Variants in PPP1R12B observed in about 807,000 individuals in gnomAD.
The protein encoded by PPP1R12B is protein phosphatase 1 regulatory subunit 12B, also known as myosin phosphatase target subunit 2.
A neutral mutation model predicts 126.1 loss-of-function variants in PPP1R12B; 76 were observed. The observed-to-expected ratio is 0.60, with a 90% CI of 0.50 to 0.73. PPP1R12B has a LOEUF of 0.73. Ranked by LOEUF, PPP1R12B falls within the 30% of genes least tolerant of loss-of-function variation. The pLI is 0.00. For missense variants in PPP1R12B, 1,052 were observed against 1,205.1 expected, an observed-to-expected ratio of 0.87 and a Z score of 1.88; for synonymous variants, 356 against 434.7, an observed-to-expected ratio of 0.82 and a Z score of 2.25.
rs757358273 is a variant in PPP1R12B at position 202,349,169 on chromosome 1, G to A, written c.291+27G>A. 9.8e-5 allele frequency: 158 copies of A among 1,611,592 alleles called. 1 individual carries two copies. In the South Asian group the frequency reaches 1.6e-3, roughly 17 times the overall value. On this transcript the variant is annotated intron_variant, in intron 1 of 23. Transcript: ENST00000608999. ...TAACTCCTTTCTTGGTCTTAGAGGCGTCCAGTCTCCTACAGATGAGCCTTT... is the reference window on the plus strand; with the variant it reads ...TAACTCCTTTCTTGGTCTTAGAGGCATCCAGTCTCCTACAGATGAGCCTTT...
chr1:202,537,531 T>C lies in PPP1R12B; in HGVS notation c.2491-21346T>C, dbSNP rs1383220491. Among the ~76,000 whole-genome samples the C allele has an allele frequency of 2.0e-5, 3 of 152,194 alleles. No homozygotes were observed. In the East Asian group the frequency reaches 5.8e-4, roughly 29 times the overall value. Reference sequence around the variant, plus strand: ...TGAGAGGATCAGGTGAGATAATATATGTTAAAACACTTTATAAAATATAAA... The same window carrying C: ...TGAGAGGATCAGGTGAGATAATATACGTTAAAACACTTTATAAAATATAAA... On this transcript the variant is annotated intron_variant, in intron 18 of 23. Transcript: ENST00000608999.
intron 1 of PPP1R12B, among the ~76,000 whole-genome samples, chr1:202,353,482 A>G (rs952771872): frequency 2.0e-5 from 3 of 151,338 alleles, no homozygotes; most frequent in South Asian, 4.2e-4. Context: ...CCTCAAAGCC[A>G]TATTGGGAAA....
rs751815841 is a variant in PPP1R12B, at chr1:202,416,769, A to G, written c.292-18A>G. On this transcript the variant is annotated intron_variant, in intron 1 of 23. Transcript: ENST00000608999. ...CAATGAATACTTGTTGAATGAATGA[A>G]TGGACTTTTCTTTTCAGGCATGTAT... is the stretch of plus-strand genomic sequence containing the variant. 1.2e-6 allele frequency: 2 copies of G among 1,611,388 alleles called. No individual in the cohort carries two copies. Among genetic ancestry groups the G allele is most frequent in the Non-Finnish European group, 1.7e-6 (2 of 1,178,108 alleles).
At chr1:202,481,734 T>C (rs1179821319) in intron 13 of PPP1R12B, among the ~76,000 whole-genome samples, 1 of 152,220 alleles carries the variant, frequency 6.6e-6, no homozygotes, top group African/African-American at 2.4e-5. Flanking sequence ...GTAAGAACAT[T>C]CAAAAGCATC....
chr1:202,395,684 C>G (rs1664876422), intron 1 of PPP1R12B, among the ~76,000 whole-genome samples: 1 of 152,194 alleles, frequency 6.6e-6, no homozygotes, highest in South Asian at 2.1e-4. Flanking sequence ...ATTGGGACTT[C>G]CAATTCTTTT....
intron 18 of PPP1R12B, among the ~76,000 whole-genome samples, chr1:202,499,599 T>G (rs974299068): frequency 1.3e-5 from 2 of 152,230 alleles, no homozygotes; most frequent in African/African-American, 4.8e-5. Context: ...TCAACGGTTA[T>G]TATCTTTATC....
chr1:202,380,260 C>T (rs751276722), intron 1 of PPP1R12B, among the ~76,000 whole-genome samples: 11 of 152,110 alleles, frequency 7.2e-5, no homozygotes, highest in Non-Finnish European at 1.5e-4. Flanking sequence ...TTCTTGTTCT[C>T]ATGATACGTT....
chr1:202,563,626 T>TAAAAAA (rs56149958), intron 20 of PPP1R12B, among the ~76,000 whole-genome samples: 12 of 120,326 alleles, frequency 1.0e-4, no homozygotes, highest in Admixed American at 1.8e-4. Flanking sequence ...TTGGTGTTAG[T>TAAAAAA]AAAAAAAAAA....
chr1:202,386,178 C>T (rs970091288), intron 1 of PPP1R12B, among the ~76,000 whole-genome samples: 1 of 151,966 alleles, frequency 6.6e-6, no homozygotes, highest in Non-Finnish European at 1.5e-5. Context: ...CATGATCCAC[C>T]CGACCTCCCA....
intron 1 of PPP1R12B, among the ~76,000 whole-genome samples, chr1:202,400,701 C>T (rs1665688365): frequency 6.6e-6 from 1 of 152,156 alleles, no homozygotes; most frequent in Non-Finnish European, 1.5e-5. Context: ...AGACACTGTT[C>T]CAACTGCTGT....
chr1:202,549,655 T>A (rs1686105491), intron 18 of PPP1R12B, among the ~76,000 whole-genome samples: 1 of 152,080 alleles, frequency 6.6e-6, no homozygotes, highest in Admixed American at 6.6e-5. Flanking sequence ...CCTGACTTCA[T>A]GATCCACCCG....
Position 202,442,558 on chromosome 1 carries a change from A to G in PPP1R12B, c.1653A>G (p.Ser551=). The change falls in exon 12 of 24, where the codon TCA becomes TCG. Residue 551 remains serine, a synonymous_variant. Transcript: ENST00000608999. ...CAATTGCTCCCTCCACCTATGTATC[A>G]ACTTACTTGAAAAGGTACCAGGCTC... The part of the protein sequence containing the change: ...PQTIAPSTYV[S]TYLKRTPHKS... 1 of 1,611,998 alleles carries G rather than the reference A, an allele frequency of 6.2e-7. No homozygotes were observed. The highest frequency in any genetic ancestry group is 8.5e-7 in the Non-Finnish European group (1 of 1,179,238).
chr1:202,358,349 G>A (rs1035583033), intron 1 of PPP1R12B, among the ~76,000 whole-genome samples: 1 of 152,152 alleles, frequency 6.6e-6, no homozygotes, highest in East Asian at 1.9e-4. Context: ...TATCAGGCAT[G>A]CAGAGTTTAT....
chr1:202,511,062 AATATATATT>A (rs965037965), intron 18 of PPP1R12B, among the ~76,000 whole-genome samples: 1 of 147,132 alleles, frequency 6.8e-6, no homozygotes, highest in Non-Finnish European at 1.5e-5. Flanking sequence ...AATAATATAT[AATATATATT>A]ATATATATTA....
At chr1:202,531,360 A>G (rs1196103717) in intron 18 of PPP1R12B, among the ~76,000 whole-genome samples, 2 of 152,198 alleles carry the variant, frequency 1.3e-5, no homozygotes, top group Non-Finnish European at 2.9e-5. Flanking sequence ...ATATAAAAAT[A>G]TATGGAAGAG....
rs1553332115 is a variant in PPP1R12B at position 202,588,841 on chromosome 1, A to AGATAGATAGAT, written c.*8282_*8292dup. The AGATAGATAGAT allele has an allele frequency of 0.013, 1,863 of 143,724 alleles. 25 individuals are homozygous for AGATAGATAGAT. Among genetic ancestry groups the AGATAGATAGAT allele is most frequent in the Non-Finnish European group, 0.018 (1,204 of 67,248 alleles). The allele number at this position is 143,724 out of a possible 1,614,324, so 8.9% of individuals were successfully genotyped here. Reference sequence around the variant, plus strand: ...AGAACCGTAAGATAGATAGATAGATAGATAGATAGATAGATAGATAGATAG... The same window carrying AGATAGATAGAT: ...AGAACCGTAAGATAGATAGATAGATAGATAGATAGATGATAGATAGATAGATAGATAGATAG... On this transcript the variant is annotated 3_prime_UTR_variant, in exon 24 of 24. Coordinates refer to ENST00000608999, the MANE Select transcript of PPP1R12B (RefSeq NM_002481.4).
At position 202,393,392 on chromosome 1, in the gene PPP1R12B, GT is replaced by G. The variant is rs111455883; in HGVS notation, c.292-23384del. On this transcript the variant is annotated intron_variant, in intron 1 of 23. Transcript: ENST00000608999. ...TTAGCAAAACGCAAATCGAAACAGT[GT>G]TTTTTTTTTTCAGTTCTTTAACAGA... is the stretch of plus-strand genomic sequence containing the variant. Among the ~76,000 whole-genome samples, 405 of 140,160 alleles carry G rather than the reference GT, an allele frequency of 2.9e-3. 1 individual carries two copies. The highest frequency in any genetic ancestry group is 8.6e-3 in the African/African-American group (327 of 38,144). 92.0% of individuals were successfully genotyped at this position (140,160 alleles called of 152,430 possible). A position where few individuals can be genotyped will look rare whatever the true frequency, so the allele number is the denominator to read the frequency against.
rs188868656 is a variant in PPP1R12B, at chr1:202,509,946, A to G, written c.2490+13124A>G. Among the ~76,000 whole-genome samples, 19 of 152,342 alleles carry G rather than the reference A, an allele frequency of 1.2e-4. No individual in the cohort carries two copies. The East Asian group carries it at 3.5e-3, about 28-fold the overall frequency. Reference sequence around the variant, plus strand: ...TTAATATGTCACAGTAAAGACTCATATAAGGTGTGGGAATTGAGCATGGGA... The same window carrying G: ...TTAATATGTCACAGTAAAGACTCATGTAAGGTGTGGGAATTGAGCATGGGA... On this transcript the variant is annotated intron_variant, in intron 18 of 23. Transcript: ENST00000608999.
intron 13 of PPP1R12B, among the ~76,000 whole-genome samples, chr1:202,483,694 A>G (rs886814336): frequency 2.6e-5 from 4 of 152,208 alleles, no homozygotes; most frequent in African/African-American, 9.6e-5. Context: ...TTCTTTGAAG[A>G]GAAACTTGGA....
Sources: gnomAD v4.1 joint callset for allele counts (sites outside exome capture counted in the v4.1 genomes callset) on GRCh38, gnomAD v4.1.1 for gene constraint, MANE v1.5 for transcripts, NCBI Gene and HGNC (gene_info 2026-07-23, HGNC 2026-07-21) for gene names.